Variants in PSD4 observed in about 807,000 individuals in gnomAD.
PSD4 encodes PH and SEC7 domain-containing protein 4.
Under a neutral mutation model 112.5 loss-of-function variants are expected in PSD4, and 59 were observed. That is an observed-to-expected ratio of 0.52 (90% CI 0.43 to 0.65). The LOEUF (loss-of-function observed/expected upper bound fraction) is 0.65. Among genes scored for constraint, PSD4 ranks in the 30% least tolerant of loss-of-function variants. The pLI is 0.00. For synonymous variants in PSD4, 533 were observed against 540.0 expected (o/e 0.99, Z 0.18); for missense variants, 1,267 against 1,352.6 (o/e 0.94, Z 0.99).
At chr2:113,198,237 G>T in intron 14 of PSD4, 1 of 327,734 alleles carries the variant, frequency 3.1e-6, no homozygotes, top group Non-Finnish European at 5.5e-6. Flanking sequence ...CATTTGTTAT[G>T]AAATCTGTCA....
At chr2:113,198,045 C>A in intron 14 of PSD4, 132 bp downstream of exon 14, 2 of 1,132,804 alleles carry the variant, frequency 1.8e-6, no homozygotes, top group Non-Finnish European at 2.4e-6. Flanking sequence ...ATCAGAAATT[C>A]TTAGAAAGCG....
In PSD4 at chr2:113,185,364, G is replaced by A. The variant is rs200572335; in HGVS notation, c.1174-1G>A. 80 of 1,614,008 alleles carry A rather than the reference G, an allele frequency of 5.0e-5. No homozygotes were observed. The highest frequency in any genetic ancestry group is 6.5e-5 in the Non-Finnish European group (77 of 1,180,028). On this transcript the variant is annotated splice_acceptor_variant, in intron 3 of 16. Transcript: ENST00000245796. LOFTEE classifies it high-confidence loss of function. ...GGGAATGCCTTTGCCTCTCTCAACA[G>A]GCCTCTCTCAGCCCTGAGGGCTGGC...
In PSD4 at chr2:113,201,241, G is replaced by C; in HGVS notation, c.2997G>C (p.Gln999His). The C allele has an allele frequency of 6.2e-7, 1 of 1,614,156 alleles. No individual in the cohort carries two copies. The highest frequency in any genetic ancestry group is 8.5e-7 in the Non-Finnish European group (1 of 1,180,036). The change falls in exon 17 of 17, where the codon CAG (glutamine) becomes CAC (histidine). Residue 999 changes from glutamine (Q) to histidine (H), a missense_variant. Physicochemically the swap from Gln to His is conservative, Grantham distance 24. Transcript: ENST00000245796. ...PSDALDLWEEQLGREAGGTRE... is the reference protein window; with the variant it reads ...PSDALDLWEEHLGREAGGTRE... ...ATGCTCTGGACCTGTGGGAGGAGCA[G>C]CTGGGGAGGGAAGCTGGAGGCACTC...
At position 113,193,852 on chromosome 2, in the gene PSD4, G is replaced by T; in HGVS notation, c.2092-7G>T. ...GCTCGAGTCATCCCACTTCTCCGTG[G>T]CTACAGAACATTGGGAAGAGCATGA... On this transcript the variant is annotated splice_polypyrimidine_tract_variant and splice_region_variant and intron_variant, in intron 9 of 16. Coordinates refer to ENST00000245796, the MANE Select transcript of PSD4 (RefSeq NM_012455.3). The T allele has an allele frequency of 1.9e-6, 3 of 1,613,878 alleles. No individual in the cohort carries two copies. Among genetic ancestry groups the T allele is most frequent in the Non-Finnish European group, 2.5e-6 (3 of 1,179,798 alleles).
chr2:113,185,310 A>T, intron 3 of PSD4, 55 bp from the exon 4 acceptor site: 3 of 1,605,692 alleles, frequency 1.9e-6, no homozygotes, highest in Non-Finnish European at 2.6e-6. Flanking sequence ...CCTCTCCCCC[A>T]TCCACCTCTC....
Position 113,197,743 on chromosome 2 carries a change from G to A in PSD4, c.2458-4G>A. On this transcript the variant is annotated splice_region_variant and splice_polypyrimidine_tract_variant and intron_variant, in intron 13 of 16. Coordinates refer to ENST00000245796, the MANE Select transcript of PSD4 (RefSeq NM_012455.3). The stretch of plus-strand genomic sequence containing the variant: ...CCTCTTCTCTGAGCCCCTGTGACTG[G>A]TAGCAGGGAGAAGACCACTGTCTGG... 1.2e-6 allele frequency: 2 copies of A among 1,607,382 alleles called. No individual in the cohort carries two copies. Among genetic ancestry groups the A allele is most frequent in the South Asian group, 2.2e-5 (2 of 90,872 alleles).
At chr2:113,192,677 C>A in intron 6 of PSD4, 88 bp downstream of exon 6, 1 of 1,355,972 alleles carries the variant, frequency 7.4e-7, no homozygotes, top group Non-Finnish European at 1.0e-6. Flanking sequence ...CCACCCTCCC[C>A]TTCCCGTCCC....
At position 113,186,137 on chromosome 2, in the gene PSD4, A is replaced by C. The variant is rs1334749003; in HGVS notation, c.1510A>C (p.Lys504Gln). ...GGATGGGGAACAGCCAAGTTCCTTG[A>C]AGAAAAAGGAGGCAGGGGAGGCCCC... Reference protein sequence around the residue: ...ETDGEQPSSLKKKEAGEAPKP... With the variant: ...ETDGEQPSSLQKKEAGEAPKP... Residue 504 changes from lysine to glutamine, a missense_variant, in exon 5 of 17, where the codon AAG (lysine) becomes CAG (glutamine). Lys to Gln is a moderately conservative substitution (Grantham distance 53). Coordinates refer to ENST00000245796, the MANE Select transcript of PSD4 (RefSeq NM_012455.3). 1.2e-6 allele frequency: 2 copies of C among 1,614,218 alleles called. No individual in the cohort carries two copies. The highest frequency in any genetic ancestry group is 3.3e-5 in the Admixed American group (2 of 60,030).
In PSD4 at chr2:113,201,170, G is replaced by A. The variant is rs368370386; in HGVS notation, c.2926G>A (p.Glu976Lys). ...CTGTGTGTTGCAGAAAACCCGCTAC[G>A]AGACCTACGTGCAGCTGCTGGTGGC... The part of the protein sequence containing the change: ...EYLEYEKTRY[E>K]TYVQLLVARL... The change falls in exon 17 of 17, where the codon GAG becomes AAG. Residue 976 changes from glutamate (E) to lysine (K), a missense_variant. This residue lies in a region of PSD4 where 544 missense variants were observed against 648.6 expected (regional missense o/e 0.84). Transcript: ENST00000245796. 1,016 of 1,611,506 alleles carry A rather than the reference G, an allele frequency of 6.3e-4. 21 individuals are homozygous for A. In the South Asian group the frequency reaches 0.01, roughly 16 times the overall value.
chr2:113,175,289 C>A (rs1687941974), intron 1 of PSD4: 1 of 153,408 alleles, frequency 6.5e-6, no homozygotes, highest in Non-Finnish European at 1.4e-5. Context: ...CCATCCTCTG[C>A]TCCCTTCCTG....
In PSD4 at chr2:113,204,688, A is replaced by G. The variant is rs1193409343; in HGVS notation, c.*3273A>G. 1 of 152,104 alleles carries G rather than the reference A, an allele frequency of 6.6e-6. No homozygotes were observed. Among genetic ancestry groups the G allele is most frequent in the East Asian group, 1.9e-4 (1 of 5,184 alleles). 9.4% of individuals were successfully genotyped at this position (152,104 alleles called of 1,614,324 possible). On this transcript the variant is annotated 3_prime_UTR_variant, in exon 17 of 17. Coordinates refer to ENST00000245796, the MANE Select transcript of PSD4 (RefSeq NM_012455.3). ...TATAACTGCTTCCTGGGCTCTCATG[A>G]TCTCAGCTGAGCCTGGCTTTCTGCT... is the stretch of plus-strand genomic sequence containing the variant.
intron 10 of PSD4, among the ~76,000 whole-genome samples, chr2:113,194,864 A>G (rs1051079385): frequency 4.6e-5 from 7 of 152,260 alleles, no homozygotes; most frequent in African/African-American, 1.7e-4. Flanking sequence ...ATGCTGTTAT[A>G]TGGTACATGG....
chr2:113,201,015 C>T (rs1322636729), intron 16 of PSD4, 143 bp from the exon 17 acceptor site: 4 of 1,013,964 alleles, frequency 3.9e-6, no homozygotes, highest in South Asian at 3.1e-5. Flanking sequence ...ATTATACTGA[C>T]ACTCACGGTT....
intron 6 of PSD4, 64 bp downstream of exon 6, chr2:113,192,653 G>T: frequency 6.5e-7 from 1 of 1,542,880 alleles, no homozygotes; most frequent in Non-Finnish European, 8.9e-7. Flanking sequence ...CTGCTGAAGG[G>T]CTCCCTCCAC....
rs1008597568 is a variant in PSD4, at chr2:113,202,726, C to G, written c.*1311C>G. 6.6e-6 allele frequency: 1 copy of G among 152,654 alleles called. No homozygotes were observed. The highest frequency in any genetic ancestry group is 2.4e-5 in the African/African-American group (1 of 41,486). The allele number at this position is 152,654 out of a possible 1,614,324, so 9.5% of individuals were successfully genotyped here. A position where few individuals can be genotyped will look rare whatever the true frequency, so the allele number is the denominator to read the frequency against. Reference sequence around the variant, plus strand: ...GCCTCTGCTACCCGCTGCTGCCTGCCGGCTGACACACTGCCTCCCCAGCCT... The same window carrying G: ...GCCTCTGCTACCCGCTGCTGCCTGCGGGCTGACACACTGCCTCCCCAGCCT... On this transcript the variant is annotated 3_prime_UTR_variant, in exon 17 of 17. Coordinates refer to ENST00000245796, the MANE Select transcript of PSD4 (RefSeq NM_012455.3).
chr2:113,192,160 C>T (rs993093241), intron 5 of PSD4, among the ~76,000 whole-genome samples: 1 of 151,908 alleles, frequency 6.6e-6, no homozygotes, highest in Non-Finnish European at 1.5e-5. Flanking sequence ...AAGCGCAGGA[C>T]CCCAGACCTG....
Position 113,185,045 on chromosome 2 carries a change from GC to G in PSD4, c.1148del (p.Pro383LeufsTer27). The G allele has an allele frequency of 6.2e-7, 1 of 1,614,242 alleles. No individual in the cohort carries two copies. The highest frequency in any genetic ancestry group is 8.5e-7 in the Non-Finnish European group (1 of 1,180,040). On this transcript the variant is annotated frameshift_variant, in exon 3 of 17. Coordinates refer to ENST00000245796, the MANE Select transcript of PSD4 (RefSeq NM_012455.3). LOFTEE classifies it high-confidence loss of function. ...WESGCVGSDL[G>X]PAAHPVQPWA... The stretch of plus-strand genomic sequence containing the variant: ...TCAGGATGTGTCGGATCTGATCTTG[GC>G]CCTGCTGCACATCCTGTGCAACCTT...
At chr2:113,193,751 G>A in intron 9 of PSD4, 101 bp downstream of exon 9, 1 of 1,556,460 alleles carries the variant, frequency 6.4e-7, no homozygotes. Context: ...ACACCCCTGA[G>A]GGATGTGGGC....
intron 2 of PSD4, among the ~76,000 whole-genome samples, 186 bp from the exon 3 acceptor site, chr2:113,184,771 G>C (rs45526634): frequency 0.013 from 2,016 of 152,286 alleles, 47 homozygotes; most frequent in African/African-American, 0.046. Context: ...ACCCAGCCCA[G>C]TGCCTGGGGC....
Sources: allele counts gnomAD v4.1 joint callset (sites outside exome capture counted in the v4.1 genomes callset), GRCh38; gene constraint gnomAD v4.1.1; regional missense constraint gnomAD v4.1.1; transcripts MANE v1.5; gene names NCBI Gene and HGNC (gene_info 2026-07-23, HGNC 2026-07-21).